The following ALDH1L1 variants were observed in gnomAD, a reference collection of about 807,000 sequenced individuals.
ALDH1L1 encodes aldehyde dehydrogenase 1 family member L1, also known as cytosolic 10-formyltetrahydrofolate dehydrogenase.
Under a neutral mutation model 101.1 loss-of-function variants are expected in ALDH1L1, and 68 were observed. The ratio of observed to expected loss-of-function variants is 0.67; its 90% CI spans 0.55 to 0.82. The LOEUF (loss-of-function observed/expected upper bound fraction) is 0.82. ALDH1L1 is among the 40% of genes least tolerant of loss of function. ALDH1L1 has a pLI of 0.00. For missense variants in ALDH1L1, 1,087 were observed against 1,172.7 expected, an observed-to-expected ratio of 0.93 and a Z score of 1.07; for synonymous variants, 486 against 470.8, an observed-to-expected ratio of 1.03 and a Z score of -0.42.
At chr3:126,155,551 C>T (rs765808849) in intron 4 of ALDH1L1, 48 bp from the exon 5 acceptor site, 7 of 1,522,110 alleles carry the variant, frequency 4.6e-6, no homozygotes, top group South Asian at 1.2e-5. Context: ...GACCCTGCCT[C>T]CTTCCCAGCC....
intron 10 of ALDH1L1, among the ~76,000 whole-genome samples, chr3:126,137,462 G>T (rs2080470696): frequency 6.6e-6 from 1 of 152,198 alleles, no homozygotes; most frequent in Non-Finnish European, 1.5e-5. Context: ...TTAAAAAACA[G>T]ATTTTCAATT....
At chr3:126,145,999 C>A (rs540894944) in intron 9 of ALDH1L1, among the ~76,000 whole-genome samples, 1 of 152,166 alleles carries the variant, frequency 6.6e-6, no homozygotes, top group South Asian at 2.1e-4. Flanking sequence ...TTTTACAAAA[C>A]AATTATTACA....
At chr3:126,187,847 A>C (rs926059696) in intron 1 of ALDH1L1, among the ~76,000 whole-genome samples, 4 of 152,110 alleles carry the variant, frequency 2.6e-5, no homozygotes, top group Non-Finnish European at 5.9e-5. Context: ...CAGAAGGTGG[A>C]GGTGAGGAGT....
At chr3:126,135,435 T>A (rs777380749) in intron 12 of ALDH1L1, 100 bp downstream of exon 12, 3 of 1,514,458 alleles carry the variant, frequency 2.0e-6, no homozygotes, top group Non-Finnish European at 2.7e-6. Context: ...AGGACCCAGC[T>A]CCTCCTGGCA....
chr3:126,164,348 G>A (rs1453257565), intron 1 of ALDH1L1, among the ~76,000 whole-genome samples: 6 of 152,194 alleles, frequency 3.9e-5, no homozygotes. Flanking sequence ...AGTAAGCACA[G>A]TACCCAACGG....
chr3:126,133,112 A>G (rs905031531), intron 12 of ALDH1L1, among the ~76,000 whole-genome samples: 1 of 152,204 alleles, frequency 6.6e-6, no homozygotes, highest in Non-Finnish European at 1.5e-5. Context: ...GCCTGCTGGC[A>G]CCAAACTCAA....
chr3:126,114,437 T>C, intron 18 of ALDH1L1, 120 bp downstream of exon 18: 1 of 757,296 alleles, frequency 1.3e-6, no homozygotes, highest in Non-Finnish European at 2.0e-6. Context: ...GTGATGACGC[T>C]ATGGACTCCA....
rs72965971 is a variant in ALDH1L1 at position 126,113,149 on chromosome 3, C to T, written c.2083-269G>A. Among the ~76,000 whole-genome samples, 1,180 of 152,354 alleles carry T rather than the reference C, an allele frequency of 7.7e-3. 17 individuals are homozygous for T. The highest frequency in any genetic ancestry group is 0.027 in the African/African-American group (1,111 of 41,598). On this transcript the variant is annotated intron_variant, in intron 18 of 22. Transcript: ENST00000393434. ...CTGGAGGATAAGGCTGCCATCCACA[C>T]TGCAGAGCATGGGGACCAAGTGGGA... is the stretch of plus-strand genomic sequence containing the variant.
intron 1 of ALDH1L1, among the ~76,000 whole-genome samples, chr3:126,191,312 C>T (rs2081552086): frequency 6.6e-6 from 1 of 152,222 alleles, no homozygotes. Flanking sequence ...GGTTAAAACT[C>T]TACTGATATG....
chr3:126,118,236 C>A (rs2080014260), intron 16 of ALDH1L1, 138 bp from the exon 17 acceptor site: 1 of 695,370 alleles, frequency 1.4e-6, no homozygotes, highest in Admixed American at 2.2e-5. Flanking sequence ...CCCCATGGTG[C>A]CTGGGGCTCA....
intron 14 of ALDH1L1, among the ~76,000 whole-genome samples, chr3:126,128,125 G>A (rs569252557): frequency 1.3e-5 from 2 of 152,264 alleles, no homozygotes; most frequent in South Asian, 2.1e-4. Context: ...ATGGCCAAGC[G>A]AGAAGTTTGA....
intron 20 of ALDH1L1, 43 bp from the exon 21 acceptor site, chr3:126,107,289 G>T: frequency 6.6e-7 from 1 of 1,520,892 alleles, no homozygotes. Context: ...GAGACACGGT[G>T]CCCGATGGTC....
At chr3:126,106,311 G>A (rs1391735221) in intron 21 of ALDH1L1, among the ~76,000 whole-genome samples, 1 of 152,224 alleles carries the variant, frequency 6.6e-6, no homozygotes, top group East Asian at 1.9e-4. Context: ...CTAGGTGGCA[G>A]TGAAGTCTCT....
intron 1 of ALDH1L1, chr3:126,180,001 C>T (rs2081442286): frequency 6.6e-6 from 1 of 152,242 alleles, no homozygotes; most frequent in African/African-American, 2.4e-5. Context: ...GCCAGGCCCC[C>T]AGATTTGGCC....
chr3:126,181,083 G>C, upstream of ALDH1L1: 1 of 1,335,482 alleles, frequency 7.5e-7, no homozygotes, highest in Non-Finnish European at 1.0e-6. Context: ...GCTTCTGCCC[G>C]CCCAGTGCCT....
rs371863723 is a variant in ALDH1L1 at position 126,134,351 on chromosome 3, AG to A, written c.1472+1183del. 3.3e-3 allele frequency among the ~76,000 whole-genome samples: 507 copies of A among 152,306 alleles called. 3 individuals carry two copies. Among genetic ancestry groups the A allele is most frequent in the African/African-American group, 0.012 (482 of 41,572 alleles). Reference sequence around the variant, plus strand: ...ACCAGATGGCAGCAGAGGCCAAGGGAGGGACCCCACGCACGCTGTTGGTTGT... The same window carrying A: ...ACCAGATGGCAGCAGAGGCCAAGGGAGGACCCCACGCACGCTGTTGGTTGT... On this transcript the variant is annotated intron_variant, in intron 12 of 22. Coordinates refer to ENST00000393434, the MANE Select transcript of ALDH1L1 (RefSeq NM_012190.4).
intron 16 of ALDH1L1, among the ~76,000 whole-genome samples, chr3:126,122,921 G>A (rs1213304014): frequency 6.6e-6 from 1 of 152,150 alleles, no homozygotes; most frequent in East Asian, 1.9e-4. Flanking sequence ...AAAGACAGGA[G>A]ATTCATAGAA....
At chr3:126,180,625 G>A, upstream of ALDH1L1, 5 of 1,284,994 alleles carry the variant, frequency 3.9e-6, no homozygotes, top group Non-Finnish European at 5.0e-6. Flanking sequence ...GCCAGAGCCC[G>A]TGAGGGGAGG....
chr3:126,190,041 C>T (rs534907812), intron 1 of ALDH1L1, among the ~76,000 whole-genome samples: 24 of 152,304 alleles, frequency 1.6e-4, no homozygotes, highest in Admixed American at 3.9e-4. Flanking sequence ...ATAGATTCCT[C>T]TGTTGCAGGA....
Sources: allele counts gnomAD v4.1 joint callset (sites outside exome capture counted in the v4.1 genomes callset), GRCh38; gene constraint gnomAD v4.1.1; transcripts MANE v1.5; gene names NCBI Gene and HGNC (gene_info 2026-07-23, HGNC 2026-07-21).